ARL15: variants seen among roughly 807,000 people sequenced by gnomAD.
ARL15 encodes the protein ARF like GTPase 15.
Under a neutral mutation model 25.2 loss-of-function variants are expected in ARL15, and 19 were observed. The ratio of observed to expected loss-of-function variants is 0.75; its 90% CI spans 0.53 to 1.10. ARL15 has a LOEUF of 1.10. ARL15 is among the 50% of genes least tolerant of loss of function. The probability of loss-of-function intolerance (pLI) is 0.00; values close to 1 mark genes in which losing one functional copy is unlikely to be tolerated. For missense variants in ARL15, 220 were observed against 246.0 expected (o/e 0.89, Z 0.71); for synonymous variants, 94 against 86.8 (o/e 1.08, Z -0.46).
chr5:53,959,055 A>G (rs1401653299), intron 4 of ARL15, among the ~76,000 whole-genome samples: 1 of 152,198 alleles, frequency 6.6e-6, no homozygotes, highest in Non-Finnish European at 1.5e-5. Flanking sequence ...TTATAAACCA[A>G]TTAGACCTAA....
chr5:54,167,153 C>T (rs1227565178), intron 2 of ARL15, among the ~76,000 whole-genome samples: 1 of 152,188 alleles, frequency 6.6e-6, no homozygotes, highest in East Asian at 1.9e-4. Flanking sequence ...ACTGTTCCCT[C>T]TAGTCCTTTA....
chr5:53,893,668 C>T (rs1168867706), intron 4 of ARL15, among the ~76,000 whole-genome samples: 2 of 152,264 alleles, frequency 1.3e-5, no homozygotes, highest in East Asian at 3.9e-4. Context: ...TGAGTGTATA[C>T]ATCTTGTATA....
At chr5:54,134,909 T>C (rs537084546) in intron 3 of ARL15, among the ~76,000 whole-genome samples, 28 of 152,264 alleles carry the variant, frequency 1.8e-4, no homozygotes, top group African/African-American at 6.5e-4. Flanking sequence ...ATCCATCTTG[T>C]TATTTCTAGC....
At chr5:54,250,219 T>C (rs1757204066) in intron 1 of ARL15, among the ~76,000 whole-genome samples, 1 of 152,006 alleles carries the variant, frequency 6.6e-6, no homozygotes, top group Admixed American at 6.6e-5. Context: ...GAGCTCACTA[T>C]CATGAGGACA....
intron 1 of ARL15, among the ~76,000 whole-genome samples, chr5:54,267,641 T>A (rs116835202): frequency 0.028 from 4,218 of 151,166 alleles, 97 homozygotes; most frequent in African/African-American, 0.065. Flanking sequence ...TTACTTTTTT[T>A]AAAAAAAAAA....
intron 4 of ARL15, among the ~76,000 whole-genome samples, chr5:54,073,811 G>T (rs1751494741): frequency 6.6e-6 from 1 of 152,214 alleles, no homozygotes; most frequent in African/African-American, 2.4e-5. Flanking sequence ...TTTACAATGG[G>T]ATGTATGGGC....
intron 1 of ARL15, among the ~76,000 whole-genome samples, chr5:54,259,082 G>A (rs1757434409): frequency 6.6e-6 from 1 of 152,108 alleles, no homozygotes; most frequent in Admixed American, 6.5e-5. Context: ...AGAGGCCTAC[G>A]TTGAATGATT....
chr5:53,887,305 T>C, intron 4 of ARL15: 2 of 690,222 alleles, frequency 2.9e-6, no homozygotes, highest in Admixed American at 2.1e-5. Context: ...TATGTTTGTA[T>C]GCATATACAC....
At chr5:54,091,448 A>G (rs1752125441) in intron 4 of ARL15, among the ~76,000 whole-genome samples, 1 of 152,128 alleles carries the variant, frequency 6.6e-6, no homozygotes, top group African/African-American at 2.4e-5. Context: ...GTCTCCTATA[A>G]TGCTACAGAG....
chr5:54,143,577 T>C (rs1753827764), intron 3 of ARL15, among the ~76,000 whole-genome samples: 1 of 152,098 alleles, frequency 6.6e-6, no homozygotes, highest in Admixed American at 6.5e-5. Context: ...TTGTGGTTAT[T>C]GATACAGATA....
intron 4 of ARL15, among the ~76,000 whole-genome samples, chr5:54,066,512 G>A (rs1368648576): frequency 6.6e-6 from 1 of 152,150 alleles, no homozygotes; most frequent in Admixed American, 6.5e-5. Context: ...CATGAAAGAA[G>A]ACTGACAGGG....
intron 3 of ARL15, among the ~76,000 whole-genome samples, chr5:54,122,943 T>C (rs1753127592): frequency 6.6e-6 from 1 of 152,180 alleles, no homozygotes; most frequent in Non-Finnish European, 1.5e-5. Context: ...CCAGTATCTA[T>C]ACAGAATCTG....
At chr5:53,967,970 G>T (rs1747618266) in intron 4 of ARL15, among the ~76,000 whole-genome samples, 1 of 152,172 alleles carries the variant, frequency 6.6e-6, no homozygotes, top group East Asian at 1.9e-4. Context: ...TGATTGTGAT[G>T]GGTGTAGGGT....
intron 4 of ARL15, among the ~76,000 whole-genome samples, chr5:53,895,154 G>A (rs962322625): frequency 6.6e-6 from 1 of 152,128 alleles, no homozygotes; most frequent in African/African-American, 2.4e-5. Context: ...TGTCTAGCAG[G>A]GAGGCCCAAG....
intron 3 of ARL15, among the ~76,000 whole-genome samples, chr5:54,137,981 A>G (rs1192385276): frequency 6.6e-6 from 1 of 152,196 alleles, no homozygotes; most frequent in East Asian, 1.9e-4. Flanking sequence ...AGTATGCCTT[A>G]GAAATGGTCT....
chr5:54,244,996 C>T lies in ARL15; in HGVS notation c.48+65436G>A, dbSNP rs1223947120. Among the ~76,000 whole-genome samples, 2 of 152,012 alleles carry T rather than the reference C, an allele frequency of 1.3e-5. 1 individual carries two copies. Among genetic ancestry groups the T allele is most frequent in the African/African-American group, 4.8e-5 (2 of 41,398 alleles). On this transcript the variant is annotated intron_variant, in intron 1 of 4. Transcript: ENST00000504924. ...CTAATAATGATCCCAAGTAAATTTT[C>T]TTTATGTAACCAGAATCAATTCAGC...
At chr5:54,073,990 A>T (rs1372985656) in intron 4 of ARL15, among the ~76,000 whole-genome samples, 1 of 152,214 alleles carries the variant, frequency 6.6e-6, no homozygotes, top group Non-Finnish European at 1.5e-5. Flanking sequence ...GTTGCCTTCC[A>T]GTCTCATTTG....
At chr5:54,093,550 C>T (rs185385506) in intron 4 of ARL15, among the ~76,000 whole-genome samples, 2 of 152,232 alleles carry the variant, frequency 1.3e-5, no homozygotes, top group East Asian at 1.9e-4. Flanking sequence ...AATGCAAAGA[C>T]AGAAGGTATG....
chr5:54,231,728 A>G (rs1756677112), intron 1 of ARL15, among the ~76,000 whole-genome samples: 2 of 152,162 alleles, frequency 1.3e-5, no homozygotes, highest in South Asian at 2.1e-4. Flanking sequence ...CTAGCAAACC[A>G]TTACTTTGTC....
Sources: gnomAD v4.1 joint callset for allele counts (sites outside exome capture counted in the v4.1 genomes callset) on GRCh38, gnomAD v4.1.1 for gene constraint, MANE v1.5 for transcripts, NCBI Gene and HGNC (gene_info 2026-07-23, HGNC 2026-07-21) for gene names.